The following CDH18 variants were observed in gnomAD, a reference collection of about 807,000 sequenced individuals.
CDH18 encodes cadherin 18, also known as cadherin-18.
In CDH18, 31 loss-of-function variants were observed where a neutral mutation model predicts 67.9. The ratio of observed to expected loss-of-function variants is 0.46; its 90% CI spans 0.34 to 0.62. CDH18 has a LOEUF of 0.62. Among genes scored for constraint, CDH18 ranks in the 20% least tolerant of loss-of-function variants. The probability of loss-of-function intolerance (pLI) is 0.01; values close to 1 mark genes in which losing one functional copy is unlikely to be tolerated. For synonymous variants in CDH18, 362 were observed against 347.2 expected (o/e 1.04, Z -0.48); for missense variants, 890 against 975.5 (o/e 0.91, Z 1.17).
chr5:20,255,881 G>A (rs2126613610), intron 1 of CDH18, among the ~76,000 whole-genome samples: 2 of 147,076 alleles, frequency 1.4e-5, no homozygotes, highest in African/African-American at 4.9e-5. Context: ...AACTATTTTA[G>A]TGATTTTATA....
intron 1 of CDH18, among the ~76,000 whole-genome samples, chr5:20,359,554 G>A (rs1310639094): frequency 6.6e-6 from 1 of 152,020 alleles, no homozygotes; most frequent in Non-Finnish European, 1.5e-5. Flanking sequence ...TTAAACTTCG[G>A]TGCCCCTGTC....
chr5:19,683,253 T>G (rs375435000), intron 5 of CDH18, among the ~76,000 whole-genome samples: 95 of 152,246 alleles, frequency 6.2e-4, no homozygotes, highest in African/African-American at 2.2e-3. Flanking sequence ...CAATTCTGTT[T>G]CATATTTTAT....
At chr5:20,154,824 C>T (rs996012098) in intron 2 of CDH18, among the ~76,000 whole-genome samples, 6 of 152,172 alleles carry the variant, frequency 3.9e-5, no homozygotes, top group African/African-American at 1.4e-4. Flanking sequence ...AATATGGCCT[C>T]ATTAATGCCC....
At chr5:19,680,651 A>G (rs1282570925) in intron 5 of CDH18, among the ~76,000 whole-genome samples, 1 of 152,012 alleles carries the variant, frequency 6.6e-6, no homozygotes, top group Non-Finnish European at 1.5e-5. Context: ...GTGGCCAACA[A>G]GCATATGAAA....
intron 1 of CDH18, among the ~76,000 whole-genome samples, chr5:20,428,127 G>A (rs937127392): frequency 1.3e-5 from 2 of 150,742 alleles, no homozygotes; most frequent in Non-Finnish European, 2.9e-5. Flanking sequence ...CCTGGTGTGT[G>A]ATGTTCCCCT....
At chr5:20,051,500 T>C (rs1741413563) in intron 2 of CDH18, among the ~76,000 whole-genome samples, 1 of 152,008 alleles carries the variant, frequency 6.6e-6, no homozygotes, top group Non-Finnish European at 1.5e-5. Context: ...TCATAGTTCT[T>C]ATGTATTTTC....
chr5:20,080,024 A>T (rs1744312517), intron 2 of CDH18, among the ~76,000 whole-genome samples: 1 of 152,176 alleles, frequency 6.6e-6, no homozygotes. Context: ...ACCTCCAAAT[A>T]ACATCACATT....
intron 11 of CDH18, among the ~76,000 whole-genome samples, chr5:19,498,626 A>G (rs1742731376): frequency 6.6e-6 from 1 of 152,190 alleles, no homozygotes; most frequent in South Asian, 2.1e-4. Flanking sequence ...TAAAGAAACA[A>G]AAACTGAGAT....
chr5:19,782,424 A>C (rs1488080080), intron 3 of CDH18, among the ~76,000 whole-genome samples: 1 of 152,166 alleles, frequency 6.6e-6, no homozygotes, highest in Non-Finnish European at 1.5e-5. Flanking sequence ...GCATGGGGAC[A>C]CAGAGCCAAA....
chr5:20,531,008 C>A (rs12515557), intron 1 of CDH18, among the ~76,000 whole-genome samples: 60,613 of 151,898 alleles, frequency 0.4, 13,577 homozygotes, highest in East Asian at 0.56. Flanking sequence ...GTCTAATACC[C>A]AGAGTCTACA....
At chr5:19,614,259 C>A (rs1580502045) in intron 5 of CDH18, among the ~76,000 whole-genome samples, 1 of 151,352 alleles carries the variant, frequency 6.6e-6, no homozygotes, top group Admixed American at 6.6e-5. Flanking sequence ...GAGAGGAGAG[C>A]CTCAGGTATC....
At chr5:20,341,921 G>A (rs567230570) in intron 1 of CDH18, among the ~76,000 whole-genome samples, 1 of 152,210 alleles carries the variant, frequency 6.6e-6, no homozygotes, top group South Asian at 2.1e-4. Context: ...GAGGACCAAG[G>A]AACATAATGA....
chr5:19,699,640 G>C (rs200093137), intron 5 of CDH18, among the ~76,000 whole-genome samples: 2,022 of 82,868 alleles, frequency 0.024, 42 homozygotes, highest in African/African-American at 0.07. Context: ...GTGTGTGTGT[G>C]TCTGTGTGTG....
intron 1 of CDH18, among the ~76,000 whole-genome samples, chr5:20,553,034 T>G (rs1428736): frequency 0.4 from 60,214 of 152,054 alleles, 13,373 homozygotes; most frequent in East Asian, 0.57. Flanking sequence ...ATTACAGGAG[T>G]GAGCCACCAT....
intron 2 of CDH18, among the ~76,000 whole-genome samples, chr5:19,955,687 T>G (rs551473714): frequency 1.2e-4 from 19 of 152,100 alleles, no homozygotes; most frequent in African/African-American, 4.1e-4. Flanking sequence ...ATGAAATATG[T>G]AGATAGATAG....
intron 1 of CDH18, among the ~76,000 whole-genome samples, chr5:20,507,349 G>T (rs921122974): frequency 4.6e-5 from 7 of 152,256 alleles, no homozygotes; most frequent in African/African-American, 1.7e-4. Flanking sequence ...CAATTGTCAC[G>T]CAGGAGCTCA....
chr5:20,290,308 T>C (rs1054501514), intron 1 of CDH18, among the ~76,000 whole-genome samples: 1 of 152,102 alleles, frequency 6.6e-6, no homozygotes, highest in Non-Finnish European at 1.5e-5. Context: ...ACAGCTAGCA[T>C]CAAAACAGGC....
chr5:19,603,261 A>G (rs1049900695), intron 6 of CDH18, among the ~76,000 whole-genome samples: 2 of 152,216 alleles, frequency 1.3e-5, no homozygotes, highest in Non-Finnish European at 2.9e-5. Context: ...AGCCAGGCAC[A>G]GAAAGACAAA....
intron 1 of CDH18, among the ~76,000 whole-genome samples, chr5:19,985,274 T>A (rs1433760825): frequency 6.6e-6 from 1 of 152,148 alleles, no homozygotes; most frequent in South Asian, 2.1e-4. Flanking sequence ...GATTTATCTG[T>A]AGAGCATCCA....
Sources: allele counts gnomAD v4.1 joint callset (sites outside exome capture counted in the v4.1 genomes callset), GRCh38; gene constraint gnomAD v4.1.1; transcripts MANE v1.5; gene names NCBI Gene and HGNC (gene_info 2026-07-23, HGNC 2026-07-21).